MIPOL1: variants seen among roughly 807,000 people sequenced by gnomAD.
MIPOL1 encodes the protein mirror-image polydactyly 1, also known as mirror-image polydactyly gene 1 protein.
In MIPOL1, 57 loss-of-function variants were observed where a neutral mutation model predicts 60.9. The ratio of observed to expected loss-of-function variants is 0.94; its 90% confidence interval spans 0.76 to 1.17. The LOEUF is 1.17. Among genes scored for constraint, MIPOL1 ranks in the 50% most tolerant of loss-of-function variants. The pLI, the probability that MIPOL1 is intolerant of heterozygous loss-of-function variation, is 0.00. For synonymous variants in MIPOL1, 179 were observed against 168.8 expected, an observed-to-expected ratio of 1.06 and a Z score of -0.47; for missense variants, 551 against 511.6, an observed-to-expected ratio of 1.08 and a Z score of -0.74.
chr14:37,309,981 G>A (rs747194540), intron 9 of MIPOL1, among the ~76,000 whole-genome samples: 4 of 151,828 alleles, frequency 2.6e-5, no homozygotes, highest in South Asian at 2.1e-4. Flanking sequence ...GAGCCACCAC[G>A]CCTGGCCTCA....
intron 11 of MIPOL1, among the ~76,000 whole-genome samples, chr14:37,431,641 C>T (rs1199481273): frequency 8.6e-6 from 1 of 116,858 alleles, no homozygotes; most frequent in Non-Finnish European, 1.6e-5. Context: ...TGCAGTGGCG[C>T]GATCTCAGCT....
chr14:37,424,891 C>T (rs1421807181), intron 11 of MIPOL1, among the ~76,000 whole-genome samples: 1 of 152,186 alleles, frequency 6.6e-6, no homozygotes, highest in Non-Finnish European at 1.5e-5. Context: ...TGACACTTAG[C>T]CCACCCCATG....
At chr14:37,326,541 A>G (rs557173437) in intron 9 of MIPOL1, among the ~76,000 whole-genome samples, 9 of 152,318 alleles carry the variant, frequency 5.9e-5, no homozygotes, top group Admixed American at 3.3e-4. Flanking sequence ...CCCTTCCATT[A>G]TTCCCCTGGT....
intron 12 of MIPOL1, among the ~76,000 whole-genome samples, chr14:37,539,261 A>G (rs2095520251): frequency 6.6e-6 from 1 of 152,208 alleles, no homozygotes; most frequent in Non-Finnish European, 1.5e-5. Flanking sequence ...TGACATGATT[A>G]AATAAAATAG....
intron 10 of MIPOL1, among the ~76,000 whole-genome samples, chr14:37,414,843 T>C (rs75499376): frequency 6.6e-6 from 1 of 152,190 alleles, no homozygotes; most frequent in East Asian, 1.9e-4. Context: ...CTCAGGCTAG[T>C]TGACTGAGAA....
chr14:37,496,272 T>C (rs2095127245), intron 11 of MIPOL1, among the ~76,000 whole-genome samples: 1 of 123,746 alleles, frequency 8.1e-6, no homozygotes, highest in African/African-American at 3.1e-5. Flanking sequence ...ACCACTCCTA[T>C]TCAACATAGT....
intron 12 of MIPOL1, among the ~76,000 whole-genome samples, chr14:37,543,972 TAAG>T (rs932228858): frequency 2.6e-5 from 4 of 152,220 alleles, no homozygotes; most frequent in African/African-American, 9.6e-5. Context: ...TTAATCAAGA[TAAG>T]AAATACTGAA....
At chr14:37,473,361 C>CT (rs906951379) in intron 11 of MIPOL1, among the ~76,000 whole-genome samples, 76 of 149,120 alleles carry the variant, frequency 5.1e-4, no homozygotes, top group African/African-American at 1.3e-3. Context: ...CCAAATAAAC[C>CT]TTTTTTTTTT....
intron 7 of MIPOL1, among the ~76,000 whole-genome samples, chr14:37,294,188 C>T (rs1451767391): frequency 6.6e-6 from 1 of 152,170 alleles, no homozygotes; most frequent in African/African-American, 2.4e-5. Flanking sequence ...TGCTGATACC[C>T]AGGCAAACAG....
chr14:37,483,035 A>G (rs1352482482), intron 11 of MIPOL1, among the ~76,000 whole-genome samples: 1 of 152,088 alleles, frequency 6.6e-6, no homozygotes, highest in Non-Finnish European at 1.5e-5. Flanking sequence ...TGTAAATGCT[A>G]TGCAAATAGT....
chr14:37,472,269 T>G (rs1489547100), intron 11 of MIPOL1, among the ~76,000 whole-genome samples: 1 of 152,186 alleles, frequency 6.6e-6, no homozygotes, highest in Admixed American at 6.5e-5. Flanking sequence ...ATTAATAAAA[T>G]TGAAAAATAT....
intron 12 of MIPOL1, among the ~76,000 whole-genome samples, chr14:37,531,098 G>A (rs768112662): frequency 1.3e-5 from 2 of 152,134 alleles, no homozygotes; most frequent in Admixed American, 6.5e-5. Context: ...GATTACAGGC[G>A]TGAACCACCG....
intron 12 of MIPOL1, among the ~76,000 whole-genome samples, chr14:37,537,006 T>C (rs1054047687): frequency 6.6e-6 from 1 of 152,110 alleles, no homozygotes; most frequent in Non-Finnish European, 1.5e-5. Flanking sequence ...AGTTGGCTTT[T>C]TTGCTGAAAT....
intron 9 of MIPOL1, among the ~76,000 whole-genome samples, chr14:37,333,267 A>G (rs1414874891): frequency 6.6e-6 from 1 of 152,124 alleles, no homozygotes; most frequent in Non-Finnish European, 1.5e-5. Context: ...TGCTATGCAC[A>G]TTTTTAATGT....
chr14:37,399,737 T>C (rs1038614512), intron 10 of MIPOL1: 3 of 152,190 alleles, frequency 2.0e-5, no homozygotes, highest in African/African-American at 7.2e-5. Flanking sequence ...TAAATTATGC[T>C]TGCTCACATT....
chr14:37,311,013 T>A (rs1354202450), intron 9 of MIPOL1, among the ~76,000 whole-genome samples: 1 of 152,156 alleles, frequency 6.6e-6, no homozygotes. Flanking sequence ...TTTCTCTGTC[T>A]TCCAGCAGGA....
intron 3 of MIPOL1, among the ~76,000 whole-genome samples, chr14:37,256,671 T>C (rs1974968759): frequency 6.6e-6 from 1 of 151,598 alleles, no homozygotes; most frequent in Non-Finnish European, 1.5e-5. Context: ...AAGGCTGCAC[T>C]AGCCCAGGTA....
intron 3 of MIPOL1, among the ~76,000 whole-genome samples, chr14:37,250,016 A>G (rs977207758): frequency 3.3e-5 from 5 of 152,154 alleles, no homozygotes; most frequent in African/African-American, 1.2e-4. Flanking sequence ...ATCAGGAAGG[A>G]TGTCAAGGAA....
intron 10 of MIPOL1, among the ~76,000 whole-genome samples, chr14:37,378,266 G>T (rs1174848534): frequency 2.0e-5 from 3 of 151,886 alleles, no homozygotes; most frequent in African/African-American, 7.3e-5. Flanking sequence ...ATTCATAATT[G>T]CCCAAAACTA....
Sources: gnomAD v4.1 joint callset for allele counts (sites outside exome capture counted in the v4.1 genomes callset) on GRCh38, gnomAD v4.1.1 for gene constraint, MANE v1.5 for transcripts, NCBI Gene and HGNC (gene_info 2026-07-23, HGNC 2026-07-21) for gene names.